The following FAM227B variants were observed in gnomAD, a reference collection of about 807,000 sequenced individuals.
The protein encoded by FAM227B is protein FAM227B.
A neutral mutation model predicts 73.8 loss-of-function variants in FAM227B; 88 were observed. The observed-to-expected ratio is 1.19, with a 90% confidence interval of 1.00 to 1.42. The LOEUF is 1.42. Among genes scored for constraint, FAM227B ranks in the 40% most tolerant of loss-of-function variants. The pLI is 0.00. For missense variants in FAM227B, 632 were observed against 590.9 expected (o/e 1.07, Z -0.72); for synonymous variants, 210 against 190.5 (o/e 1.10, Z -0.84).
intron 3 of FAM227B, among the ~76,000 whole-genome samples, chr15:49,596,529 T>C (rs1312498248): frequency 1.3e-5 from 2 of 151,578 alleles, no homozygotes; most frequent in East Asian, 3.9e-4. Flanking sequence ...CCTTAAGGCA[T>C]AAATCTCACA....
chr15:49,396,567 A>G lies in FAM227B; in HGVS notation c.1013-25168T>C, dbSNP rs371416384. On this transcript the variant is annotated intron_variant, in intron 11 of 15. Coordinates refer to ENST00000299338, the MANE Select transcript of FAM227B (RefSeq NM_152647.3). Reference sequence around the variant, plus strand: ...CAGGGCACAGACAAACAAAAAGACAACAGTAACCTCTGCAGACTTAAATGT... The same window carrying G: ...CAGGGCACAGACAAACAAAAAGACAGCAGTAACCTCTGCAGACTTAAATGT... 1,047 of 157,392 alleles carry G rather than the reference A, an allele frequency of 6.7e-3. 7 individuals are homozygous for G. Among genetic ancestry groups the G allele is most frequent in the Middle Eastern group, 0.016 (5 of 308 alleles). 9.7% of individuals were successfully genotyped at this position (157,392 alleles called of 1,614,324 possible). A position where few individuals can be genotyped will look rare whatever the true frequency, so the allele number is the denominator to read the frequency against.
chr15:49,408,400 T>A (rs574857937), intron 11 of FAM227B, among the ~76,000 whole-genome samples: 1 of 152,358 alleles, frequency 6.6e-6, no homozygotes, highest in South Asian at 2.1e-4. Flanking sequence ...GGTTTCACCA[T>A]GACATGGGTC....
Position 49,568,348 on chromosome 15 carries a change from T to G in FAM227B, c.646-2A>C. The G allele has an allele frequency of 6.3e-7, 1 of 1,598,398 alleles. No individual in the cohort carries two copies. The highest frequency in any genetic ancestry group is 8.5e-7 in the Non-Finnish European group (1 of 1,173,410). On this transcript the variant is annotated splice_acceptor_variant, in intron 8 of 15. Transcript: ENST00000299338. LOFTEE classifies it high-confidence loss of function. Reference sequence around the variant, plus strand: ...GCAATCTTGGTTTTCTCTGTCAGGCTTAAAAAAATGTGTGAAATTAAAGTC... The same window carrying G: ...GCAATCTTGGTTTTCTCTGTCAGGCGTAAAAAAATGTGTGAAATTAAAGTC...
At chr15:49,424,428 T>C in intron 11 of FAM227B, 1 of 1,613,712 alleles carries the variant, frequency 6.2e-7, no homozygotes, top group African/African-American at 1.3e-5. Context: ...GCTACAAATG[T>C]GAACTGTTCC....
At chr15:49,584,655 C>T (rs761313163) in intron 5 of FAM227B, among the ~76,000 whole-genome samples, 9 of 152,082 alleles carry the variant, frequency 5.9e-5, no homozygotes, top group East Asian at 1.9e-4. Flanking sequence ...ACAACTTCAG[C>T]GAAGTCTCAG....
At chr15:49,395,248 T>C (rs1440902926) in intron 11 of FAM227B, among the ~76,000 whole-genome samples, 1 of 152,062 alleles carries the variant, frequency 6.6e-6, no homozygotes, top group Non-Finnish European at 1.5e-5. Context: ...TTCTAGGGGG[T>C]TTTAAGGTTT....
intron 11 of FAM227B, among the ~76,000 whole-genome samples, chr15:49,415,530 A>C (rs1181660129): frequency 6.6e-6 from 1 of 152,172 alleles, no homozygotes; most frequent in Non-Finnish European, 1.5e-5. Context: ...GGAAAAAAAA[A>C]CCCAAACTAG....
intron 11 of FAM227B, among the ~76,000 whole-genome samples, chr15:49,383,136 A>G (rs956195658): frequency 6.6e-6 from 1 of 152,174 alleles, no homozygotes; most frequent in African/African-American, 2.4e-5. Context: ...TGGATTAAAA[A>G]AAGCAGAACA....
At chr15:49,584,816 T>G (rs2076044784) in intron 5 of FAM227B, among the ~76,000 whole-genome samples, 1 of 152,044 alleles carries the variant, frequency 6.6e-6, no homozygotes, top group Admixed American at 6.6e-5. Context: ...GTGAAAGATC[T>G]CTACAAGAAC....
At position 49,576,806 on chromosome 15, in the gene FAM227B, G is replaced by A. The variant is rs879882118; in HGVS notation, c.481C>T (p.Gln161Ter). The change falls in exon 7 of 16, where the codon CAG becomes TAG. Residue 161 changes from glutamine (Q) to a stop codon, truncating the protein, a stop_gained. Transcript: ENST00000299338. LOFTEE classifies it high-confidence loss of function. The stretch of plus-strand genomic sequence containing the variant: ...TCAGCATCCAAATGTCTGGGTAGCT[G>A]AGTAAGTTCATTTGCTTTGAATCCT... ...FTGFKANELT[Q>*]LPRHLDAEQI... The A allele has an allele frequency of 1.4e-5, 22 of 1,612,792 alleles. No individual in the cohort carries two copies. The highest frequency in any genetic ancestry group is 1.8e-5 in the Non-Finnish European group (21 of 1,179,302).
intron 11 of FAM227B, chr15:49,424,558 G>C: frequency 1.3e-6 from 2 of 1,592,090 alleles, no homozygotes; most frequent in Non-Finnish European, 1.7e-6. Flanking sequence ...AAGTAAAAGG[G>C]ACCCAAGAGA....
chr15:49,485,806 G>A (rs2056358540), intron 11 of FAM227B: 1 of 152,218 alleles, frequency 6.6e-6, no homozygotes, highest in South Asian at 2.1e-4. Flanking sequence ...TGCATGGGTA[G>A]AAAATATCAT....
intron 11 of FAM227B, among the ~76,000 whole-genome samples, chr15:49,418,513 G>C (rs968724522): frequency 1.3e-5 from 2 of 152,132 alleles, no homozygotes; most frequent in African/African-American, 4.8e-5. Context: ...GATGGAGCTG[G>C]AGGCCATTAT....
At chr15:49,471,979 T>C (rs1387410636) in intron 11 of FAM227B, among the ~76,000 whole-genome samples, 1 of 151,444 alleles carries the variant, frequency 6.6e-6, no homozygotes, top group Non-Finnish European at 1.5e-5. Context: ...CAGGTGTTGT[T>C]TTCATTTTTT....
intron 9 of FAM227B, among the ~76,000 whole-genome samples, chr15:49,547,075 C>A (rs574276913): frequency 6.6e-6 from 1 of 152,158 alleles, no homozygotes; most frequent in Admixed American, 6.5e-5. Flanking sequence ...AGACTAACAG[C>A]GGATCTCTTG....
chr15:49,525,665 A>AATATATATATAT (rs57123974), intron 10 of FAM227B, among the ~76,000 whole-genome samples: 3 of 81,518 alleles, frequency 3.7e-5, no homozygotes, highest in South Asian at 4.4e-4. Context: ...AGGGTGGAGA[A>AATATATATATAT]ATATATATAT....
intron 11 of FAM227B, among the ~76,000 whole-genome samples, chr15:49,412,688 T>G (rs948219814): frequency 6.6e-6 from 1 of 152,082 alleles, no homozygotes; most frequent in Admixed American, 6.6e-5. Flanking sequence ...GGGCCTATGA[T>G]ATGCTGGTTG....
chr15:49,594,540 G>T (rs2076782413), intron 3 of FAM227B, among the ~76,000 whole-genome samples: 1 of 152,010 alleles, frequency 6.6e-6, no homozygotes, highest in East Asian at 1.9e-4. Flanking sequence ...ATTATCTTCA[G>T]ATCGTTATGG....
At chr15:49,337,231 A>C (rs1461436060) in intron 13 of FAM227B, among the ~76,000 whole-genome samples, 1 of 152,184 alleles carries the variant, frequency 6.6e-6, no homozygotes, top group East Asian at 1.9e-4. Context: ...TGCTGGGTTG[A>C]ACGGTAGTTC....
Sources: allele counts gnomAD v4.1 joint callset (sites outside exome capture counted in the v4.1 genomes callset), GRCh38; gene constraint gnomAD v4.1.1; transcripts MANE v1.5; gene names NCBI Gene and HGNC (gene_info 2026-07-23, HGNC 2026-07-21).